Variants in BICDL1 observed in about 807,000 individuals in gnomAD.
The protein encoded by BICDL1 is BICD family-like cargo adapter 1.
In BICDL1, 20 loss-of-function variants were observed where a neutral mutation model predicts 76.8. The ratio of observed to expected loss-of-function variants is 0.26; its 90% CI spans 0.18 to 0.38. BICDL1 has a LOEUF of 0.38. Ranked by LOEUF, BICDL1 falls within the 10% of genes least tolerant of loss-of-function variation. The probability of loss-of-function intolerance (pLI) is 1.00; values close to 1 mark genes in which losing one functional copy is unlikely to be tolerated. For synonymous variants in BICDL1, 383 were observed against 337.1 expected, an observed-to-expected ratio of 1.14 and a Z score of -1.49; for missense variants, 700 against 798.6, an observed-to-expected ratio of 0.88 and a Z score of 1.49.
At chr12:120,090,679 T>C (rs1279512237) in intron 9 of BICDL1, 1 of 363,554 alleles carries the variant, frequency 2.8e-6, no homozygotes, top group Non-Finnish European at 5.4e-6. Flanking sequence ...TTAATATTTC[T>C]CCCCAAGAAT....
intron 8 of BICDL1, among the ~76,000 whole-genome samples, chr12:120,086,970 C>T (rs1332949379): frequency 2.6e-5 from 4 of 152,204 alleles, no homozygotes; most frequent in African/African-American, 9.7e-5. Flanking sequence ...CCCACCATGC[C>T]CGGCGCTGCG....
intron 9 of BICDL1, 27 bp downstream of exon 9, chr12:120,090,098 G>T: frequency 6.2e-7 from 1 of 1,611,718 alleles, no homozygotes; most frequent in Non-Finnish European, 8.5e-7. Context: ...GATCCAGGGC[G>T]AGAGGAGACT....
intron 2 of BICDL1, among the ~76,000 whole-genome samples, chr12:120,003,175 AAC>A (rs1491048971): frequency 7.5e-5 from 11 of 145,784 alleles, no homozygotes; most frequent in African/African-American, 2.0e-4. Flanking sequence ...AAAAAAAAAA[AAC>A]AGTCGGTAGG....
At chr12:120,018,419 G>C (rs1398495265) in intron 2 of BICDL1, among the ~76,000 whole-genome samples, 6 of 152,174 alleles carry the variant, frequency 3.9e-5, no homozygotes. Context: ...GGCACTGGAG[G>C]AACCTTTCAG....
chr12:120,068,845 C>T (rs1872866314), intron 4 of BICDL1, among the ~76,000 whole-genome samples: 1 of 152,114 alleles, frequency 6.6e-6, no homozygotes, highest in African/African-American at 2.4e-5. Context: ...GGGTCATCCC[C>T]TTATATTCAG....
chr12:120,049,973 T>G (rs1319102814), intron 2 of BICDL1, among the ~76,000 whole-genome samples: 1 of 152,328 alleles, frequency 6.6e-6, no homozygotes, highest in East Asian at 1.9e-4. Context: ...GTATTTTGTG[T>G]TGTTGTTCCT....
chr12:120,028,714 T>C (rs1011069785), intron 2 of BICDL1, among the ~76,000 whole-genome samples: 5 of 152,002 alleles, frequency 3.3e-5, no homozygotes, highest in African/African-American at 9.7e-5. Flanking sequence ...TATTGAAAAT[T>C]AGCGAGAAAA....
intron 1 of BICDL1, among the ~76,000 whole-genome samples, chr12:119,994,423 C>T: frequency 6.7e-6 from 1 of 150,066 alleles, no homozygotes; most frequent in Non-Finnish European, 1.5e-5. Context: ...AAATCCATTT[C>T]TGTAAAGACC....
At chr12:120,046,963 A>T (rs971549659) in intron 2 of BICDL1, among the ~76,000 whole-genome samples, 1 of 152,210 alleles carries the variant, frequency 6.6e-6, no homozygotes, top group African/African-American at 2.4e-5. Flanking sequence ...CAAAAGCAGT[A>T]TTAACATTTG....
At chr12:120,050,120 T>C (rs888106837) in intron 2 of BICDL1, among the ~76,000 whole-genome samples, 3 of 152,214 alleles carry the variant, frequency 2.0e-5, no homozygotes, top group Non-Finnish European at 4.4e-5. Context: ...TTGAAGTATC[T>C]GTTCGAATGT....
chr12:120,049,249 G>A (rs1055145908), intron 2 of BICDL1, among the ~76,000 whole-genome samples: 1 of 152,150 alleles, frequency 6.6e-6, no homozygotes, highest in African/African-American at 2.4e-5. Context: ...TGAAAAATAG[G>A]GAAGAAGCAT....
intron 8 of BICDL1, among the ~76,000 whole-genome samples, chr12:120,087,755 T>C (rs1018019784): frequency 7.2e-5 from 11 of 152,206 alleles, no homozygotes; most frequent in Non-Finnish European, 1.6e-4. Flanking sequence ...TAATTTTCTT[T>C]TGCATTGAAC....
At chr12:120,001,692 C>T (rs774786981) in intron 2 of BICDL1, among the ~76,000 whole-genome samples, 1 of 152,164 alleles carries the variant, frequency 6.6e-6, no homozygotes, top group Non-Finnish European at 1.5e-5. Context: ...GGCTGCTCTT[C>T]TCTTTATTAA....
At chr12:120,092,325 TACCCC>T in intron 9 of BICDL1, 4 of 985,454 alleles carry the variant, frequency 4.1e-6, no homozygotes, top group Non-Finnish European at 4.8e-6. Context: ...GGGACGGTCC[TACCCC>T]AGTGAGGAAG....
chr12:120,003,809 T>C (rs1951803955), intron 2 of BICDL1, among the ~76,000 whole-genome samples: 1 of 152,232 alleles, frequency 6.6e-6, no homozygotes, highest in African/African-American at 2.4e-5. Flanking sequence ...GGTTCTGTAG[T>C]TCTCTGACTC....
chr12:120,073,068 TTTTACCATGTTGGCCAGGCTAGTTTTA>T (rs1422714816), intron 6 of BICDL1, among the ~76,000 whole-genome samples: 3 of 151,994 alleles, frequency 2.0e-5, no homozygotes, highest in Admixed American at 1.3e-4. Flanking sequence ...AGACACAGGG[TTTTACCATGTTGGCCAGGCTAGTTTTA>T]ACTCTTGACC....
At chr12:120,058,370 C>G (rs1373196630) in intron 2 of BICDL1, among the ~76,000 whole-genome samples, 1 of 152,138 alleles carries the variant, frequency 6.6e-6, no homozygotes, top group Non-Finnish European at 1.5e-5. Flanking sequence ...ACCAGCTGGA[C>G]TAGATTTGCA....
Position 120,072,673 on chromosome 12 carries a change from G to T in BICDL1, c.1252G>T (p.Ala418Ser). 1 of 1,614,024 alleles carries T rather than the reference G, an allele frequency of 6.2e-7. No individual in the cohort carries two copies. The highest frequency in any genetic ancestry group is 1.3e-5 in the African/African-American group (1 of 75,052). The change falls in exon 6 of 10, where the codon GCC becomes TCC. Residue 418 changes from alanine (A) to serine (S), a missense_variant. This residue lies in a region of BICDL1 where 455 missense variants were observed against 548.7 expected (regional missense o/e 0.83). Transcript: ENST00000548673. ...KDVPAGSLRT[A>S]LNELKRLIQS... ...TGTGCCAGCCGGCAGCTTGCGCACT[G>T]CCCTCAATGAGCTCAAGAGACTGAT...
rs373206619 is a variant in BICDL1, at chr12:120,081,927, T to TA, written c.1583+924dup. Among the ~76,000 whole-genome samples, 1,197 of 130,792 alleles carry TA rather than the reference T, an allele frequency of 9.2e-3. 10 individuals are homozygous for TA. The highest frequency in any genetic ancestry group is 0.025 in the South Asian group (103 of 4,150). The allele number at this position is 130,792 out of a possible 152,430, so 85.8% of individuals were successfully genotyped here. On this transcript the variant is annotated intron_variant, in intron 8 of 9. Transcript: ENST00000548673. Reference sequence around the variant, plus strand: ...AGTATACATCTCTACCAGAAAGAATTAAAAAAAAAAAAAACACAATACAAT... The same window carrying TA: ...AGTATACATCTCTACCAGAAAGAATTAAAAAAAAAAAAAAACACAATACAAT...
Sources: gnomAD v4.1 joint callset for allele counts (sites outside exome capture counted in the v4.1 genomes callset) on GRCh38, gnomAD v4.1.1 for gene constraint, gnomAD v4.1.1 regional missense constraint, MANE v1.5 for transcripts, NCBI Gene and HGNC (gene_info 2026-07-23, HGNC 2026-07-21) for gene names.